TTC39B: variants seen among roughly 807,000 people sequenced by gnomAD.
TTC39B encodes tetratricopeptide repeat domain 39B.
TTC39B carries 92 observed loss-of-function variants against 96.6 expected under a neutral mutation model. The ratio of observed to expected loss-of-function variants is 0.95; its 90% confidence interval spans 0.80 to 1.13. TTC39B has a LOEUF of 1.13. TTC39B is among the 50% of genes most tolerant of loss of function. TTC39B has a pLI of 0.00. For synonymous variants in TTC39B, 367 were observed against 299.4 expected (o/e 1.23, Z -2.33); for missense variants, 955 against 809.3 (o/e 1.18, Z -2.18).
intron 16 of TTC39B, among the ~76,000 whole-genome samples, chr9:15,184,417 A>AT (rs1554764708): frequency 7.2e-5 from 7 of 96,620 alleles, no homozygotes; most frequent in South Asian, 4.3e-4. Flanking sequence ...TAAACTCTGA[A>AT]TTTAAAAAAA....
At chr9:15,186,467 T>C (rs1258437738) in intron 15 of TTC39B, 1 of 152,974 alleles carries the variant, frequency 6.5e-6, no homozygotes, top group Admixed American at 6.5e-5. Flanking sequence ...AGCTTTCTCC[T>C]GAAAATAAAA....
intron 3 of TTC39B, among the ~76,000 whole-genome samples, chr9:15,219,364 T>A (rs1586899960): frequency 6.6e-6 from 1 of 152,188 alleles, no homozygotes; most frequent in Admixed American, 6.5e-5. Flanking sequence ...TATGCACACA[T>A]ACATGGTGAC....
At chr9:15,251,024 C>A (rs1162057879) in intron 2 of TTC39B, among the ~76,000 whole-genome samples, 1 of 151,940 alleles carries the variant, frequency 6.6e-6, no homozygotes, top group Admixed American at 6.6e-5. Flanking sequence ...GCTGAAACCC[C>A]ATCTCTACTA....
chr9:15,172,884 T>G (rs2118421210), intron 19 of TTC39B, among the ~76,000 whole-genome samples: 1 of 152,298 alleles, frequency 6.6e-6, no homozygotes, highest in African/African-American at 2.4e-5. Context: ...GTAAAATGTA[T>G]TATTCATAAA....
chr9:15,238,554 C>T (rs922028389), intron 2 of TTC39B, among the ~76,000 whole-genome samples: 1 of 152,142 alleles, frequency 6.6e-6, no homozygotes, highest in Non-Finnish European at 1.5e-5. Flanking sequence ...AACAAAAATC[C>T]TTGGAATACA....
chr9:15,231,379 T>C (rs1217742796), intron 2 of TTC39B, among the ~76,000 whole-genome samples: 1 of 152,154 alleles, frequency 6.6e-6, no homozygotes, highest in Non-Finnish European at 1.5e-5. Flanking sequence ...GCTTGGCCAA[T>C]ACTTGTTTTT....
chr9:15,282,429 G>A (rs561792522), intron 1 of TTC39B, among the ~76,000 whole-genome samples: 3 of 152,170 alleles, frequency 2.0e-5, no homozygotes, highest in Non-Finnish European at 4.4e-5. Flanking sequence ...GATTAAATGG[G>A]TGCATACATT....
chr9:15,271,849 T>C (rs1024039478), intron 1 of TTC39B, among the ~76,000 whole-genome samples: 1 of 152,200 alleles, frequency 6.6e-6, no homozygotes, highest in Non-Finnish European at 1.5e-5. Context: ...GTGGATGAAA[T>C]AAAATTTTGA....
chr9:15,251,739 A>G (rs1770741988), intron 2 of TTC39B, among the ~76,000 whole-genome samples: 1 of 127,386 alleles, frequency 7.9e-6, no homozygotes, highest in African/African-American at 2.8e-5. Flanking sequence ...ATATATATGT[A>G]GTATATATGG....
intron 2 of TTC39B, among the ~76,000 whole-genome samples, chr9:15,248,647 A>T (rs537117848): frequency 2.0e-5 from 3 of 152,354 alleles, no homozygotes; most frequent in East Asian, 3.9e-4. Flanking sequence ...GAATGAACGA[A>T]TATAAGATCT....
At chr9:15,297,408 C>T (rs1047167694) in intron 1 of TTC39B, among the ~76,000 whole-genome samples, 1 of 152,184 alleles carries the variant, frequency 6.6e-6, no homozygotes, top group Non-Finnish European at 1.5e-5. Flanking sequence ...CACAGCTAGT[C>T]AGTAAAGACT....
intron 4 of TTC39B, among the ~76,000 whole-genome samples, chr9:15,211,666 C>G (rs905980473): frequency 1.8e-4 from 28 of 152,186 alleles, no homozygotes; most frequent in African/African-American, 6.8e-4. Context: ...AGCCTGCAGG[C>G]AGATTGCAAG....
intron 1 of TTC39B, among the ~76,000 whole-genome samples, chr9:15,271,566 G>A (rs761848453): frequency 6.6e-6 from 1 of 151,936 alleles, no homozygotes; most frequent in Non-Finnish European, 1.5e-5. Context: ...TAGCTCTCCT[G>A]AGACTCTCAC....
At chr9:15,200,326 C>T (rs116209627) in intron 7 of TTC39B, among the ~76,000 whole-genome samples, 1,742 of 152,322 alleles carry the variant, frequency 0.011, 33 homozygotes, top group African/African-American at 0.04. Context: ...CAGTACATTA[C>T]ACCCAGTAAA....
intron 2 of TTC39B, among the ~76,000 whole-genome samples, chr9:15,227,666 GA>G (rs1256371554): frequency 6.6e-6 from 1 of 152,158 alleles, no homozygotes; most frequent in Non-Finnish European, 1.5e-5. Context: ...TACAAGCAGG[GA>G]AAGAGGAAGT....
At chr9:15,181,395 T>C (rs1244194504) in intron 17 of TTC39B, among the ~76,000 whole-genome samples, 2 of 152,148 alleles carry the variant, frequency 1.3e-5, no homozygotes, top group African/African-American at 2.4e-5. Context: ...TATGGCATGG[T>C]TTACCCCTCT....
chr9:15,196,309 T>C (rs1310418989), intron 8 of TTC39B, among the ~76,000 whole-genome samples: 1 of 152,226 alleles, frequency 6.6e-6, no homozygotes, highest in African/African-American at 2.4e-5. Context: ...TATAAGGCTA[T>C]TGCTGCCATA....
intron 8 of TTC39B, among the ~76,000 whole-genome samples, chr9:15,196,296 T>C (rs1386224672): frequency 2.6e-5 from 4 of 152,216 alleles, no homozygotes; most frequent in Non-Finnish European, 4.4e-5. Context: ...AAGAAGTACA[T>C]TTTATAAGGC....
Position 15,233,415 on chromosome 9 carries a change from G to A in TTC39B, c.276-7403C>T, listed in dbSNP as rs546846850. 5.1e-4 allele frequency among the ~76,000 whole-genome samples: 77 copies of A among 152,228 alleles called. No homozygotes were observed. The South Asian group carries it at 0.016, about 31-fold the overall frequency. On this transcript the variant is annotated intron_variant, in intron 2 of 19. Coordinates refer to ENST00000512701, the Ensembl canonical transcript of TTC39B. ...CTCCCTCTGATGCCGAGCCGAAGCTGGACTGTACTGCTGCCATCTGGGCTC... is the reference window on the plus strand; with the variant it reads ...CTCCCTCTGATGCCGAGCCGAAGCTAGACTGTACTGCTGCCATCTGGGCTC...
Sources: gnomAD v4.1 joint callset for allele counts (sites outside exome capture counted in the v4.1 genomes callset) on GRCh38, gnomAD v4.1.1 for gene constraint, MANE v1.5 for transcripts, NCBI Gene and HGNC (gene_info 2026-07-23, HGNC 2026-07-21) for gene names.